The following CHID1 variants were observed in gnomAD, a reference collection of about 807,000 sequenced individuals.
CHID1 encodes the protein chitinase domain-containing protein 1.
CHID1 carries 44 observed loss-of-function variants against 55.4 expected under a neutral mutation model. The observed-to-expected ratio is 0.79, with a 90% CI of 0.62 to 1.02. CHID1 has a LOEUF of 1.02. CHID1 is among the 50% of genes least tolerant of loss of function. The probability of loss-of-function intolerance (pLI) is 0.00; values close to 1 mark genes in which losing one functional copy is unlikely to be tolerated. For missense variants in CHID1, 491 were observed against 515.3 expected, an observed-to-expected ratio of 0.95 and a Z score of 0.46; for synonymous variants, 216 against 212.9, an observed-to-expected ratio of 1.01 and a Z score of -0.13.
At chr11:910,550 C>T (rs1589918988) in intron 1 of CHID1, 3 of 1,060,184 alleles carry the variant, frequency 2.8e-6, no homozygotes, top group Non-Finnish European at 3.6e-6. Flanking sequence ...CCCCCGCTCT[C>T]GCTCACCCTC....
At chr11:873,726 A>G (rs1423857608) in intron 10 of CHID1, among the ~76,000 whole-genome samples, 1 of 152,248 alleles carries the variant, frequency 6.6e-6, no homozygotes, top group Non-Finnish European at 1.5e-5. Context: ...AAGAGGGCAC[A>G]GCTGCTAAAA....
intron 8 of CHID1, among the ~76,000 whole-genome samples, chr11:892,864 C>T (rs1346615837): frequency 6.6e-6 from 1 of 152,226 alleles, no homozygotes; most frequent in Admixed American, 6.5e-5. Context: ...AGGGCATGGC[C>T]GGCCTGTGCT....
chr11:880,692 G>A (rs1338485715), intron 10 of CHID1, among the ~76,000 whole-genome samples: 1 of 152,124 alleles, frequency 6.6e-6, no homozygotes, highest in African/African-American at 2.4e-5. Context: ...CAGGGGTGAT[G>A]GCCTGGCCTC....
At chr11:909,033 G>A (rs577517912) in intron 1 of CHID1, among the ~76,000 whole-genome samples, 1 of 152,338 alleles carries the variant, frequency 6.6e-6, no homozygotes, top group South Asian at 2.1e-4. Context: ...CTTGGATACA[G>A]GCTGCTCACA....
intron 11 of CHID1, 101 bp downstream of exon 11, chr11:870,318 G>A (rs1849081349): frequency 7.5e-7 from 1 of 1,333,302 alleles, no homozygotes; most frequent in Non-Finnish European, 1.1e-6. Context: ...GTGAGCTCGT[G>A]ACCCTGAGAC....
intron 4 of CHID1, among the ~76,000 whole-genome samples, chr11:901,642 T>C (rs1163115290): frequency 1.3e-5 from 2 of 152,150 alleles, no homozygotes; most frequent in Non-Finnish European, 2.9e-5. Flanking sequence ...GCCCAGAGGC[T>C]GCCTGAGTCA....
At chr11:910,290 G>A (rs984664044) in intron 1 of CHID1, among the ~76,000 whole-genome samples, 1 of 152,124 alleles carries the variant, frequency 6.6e-6, no homozygotes, top group Admixed American at 6.5e-5. Flanking sequence ...CCCCTCACTG[G>A]GAGGGCAGCC....
Position 910,775 on chromosome 11 carries a change from C to G in CHID1, c.-44G>C. 1 of 1,142,772 alleles carries G rather than the reference C, an allele frequency of 8.8e-7. No homozygotes were observed. Among genetic ancestry groups the G allele is most frequent in the Non-Finnish European group, 1.1e-6 (1 of 920,472 alleles). 70.8% of individuals were successfully genotyped at this position (1,142,772 alleles called of 1,614,324 possible). A position where few individuals can be genotyped will look rare whatever the true frequency, so the allele number is the denominator to read the frequency against. Reference sequence around the variant, plus strand: ...AGGGGCCGGCCGCCGCGGGGCTCACCTGCATGTCAGGGAGGCCGGACGGCC... The same window carrying G: ...AGGGGCCGGCCGCCGCGGGGCTCACGTGCATGTCAGGGAGGCCGGACGGCC... On this transcript the variant is annotated splice_region_variant and 5_prime_UTR_variant, in exon 1 of 13. Coordinates refer to ENST00000323578, the MANE Select transcript of CHID1 (RefSeq NM_023947.4).
intron 3 of CHID1, 88 bp downstream of exon 3, chr11:902,874 C>T (rs1358086882): frequency 7.7e-6 from 10 of 1,292,882 alleles, no homozygotes; most frequent in Non-Finnish European, 1.1e-5. Flanking sequence ...ACCCCCATCA[C>T]TGACTGGCCA....
chr11:890,930 C>A (rs1255713529), intron 8 of CHID1, among the ~76,000 whole-genome samples: 1 of 152,152 alleles, frequency 6.6e-6, no homozygotes, highest in Admixed American at 6.5e-5. Context: ...TCTCCAGGGG[C>A]CATTGTTCCA....
chr11:880,646 T>A (rs1849848820), intron 10 of CHID1, among the ~76,000 whole-genome samples: 1 of 152,142 alleles, frequency 6.6e-6, no homozygotes, highest in African/African-American at 2.4e-5. Context: ...TCCAGCAGGT[T>A]ACCTCTGCCC....
In CHID1 at chr11:870,849, G is replaced by C. The variant is rs1849131273; in HGVS notation, c.960-350C>G. On this transcript the variant is annotated intron_variant, in intron 10 of 12. Transcript: ENST00000323578. ...TGGACAGGGCTCCTCACTCTGTCCA[G>C]ACCCCAGGTGAGAGGCTAACCAGAC... 2.0e-5 allele frequency: 5 copies of C among 244,250 alleles called. No individual in the cohort carries two copies. The Admixed American group carries it at 2.4e-4, about 12-fold the overall frequency. 15.1% of individuals were successfully genotyped at this position (244,250 alleles called of 1,614,324 possible).
rs547739017 is a variant in CHID1 at position 875,860 on chromosome 11, G to A, written c.960-5361C>T. On this transcript the variant is annotated intron_variant, in intron 10 of 12. Transcript: ENST00000323578. The surrounding 1 kb of genome is among the most constrained non-coding windows in gnomAD (Gnocchi z 4.7). ...GACGTCCCCTGGCGGGTGACAGACA[G>A]GATGAAGGAACGATGGGCTCCACTC... Among the ~76,000 whole-genome samples, 25 of 152,260 alleles carry A rather than the reference G, an allele frequency of 1.6e-4. No individual in the cohort carries two copies. Among genetic ancestry groups the A allele is most frequent in the African/African-American group, 5.5e-4 (23 of 41,540 alleles).
intron 8 of CHID1, among the ~76,000 whole-genome samples, chr11:886,834 C>A (rs1207464878): frequency 6.6e-6 from 1 of 152,208 alleles, no homozygotes; most frequent in Non-Finnish European, 1.5e-5. Context: ...GCGTTGGCTG[C>A]GTCGGTTCCA....
At chr11:885,864 A>C (rs1433956950) in intron 8 of CHID1, among the ~76,000 whole-genome samples, 3 of 152,154 alleles carry the variant, frequency 2.0e-5, no homozygotes, top group Non-Finnish European at 4.4e-5. Flanking sequence ...TTCAAAAAGG[A>C]AAAATGGGCC....
upstream of CHID1, chr11:911,007 ACCTTGAGCGCCCCTGGT>A (rs1488310465): frequency 8.8e-4 from 143 of 161,802 alleles, no homozygotes; most frequent in African/African-American, 3.2e-3. Flanking sequence ...CGGCGCGTTC[ACCTTGAGCGCCCCTGGT>A]GCTCGCGCTG....
intron 1 of CHID1, among the ~76,000 whole-genome samples, chr11:909,287 C>T (rs192951375): frequency 5.3e-5 from 8 of 152,348 alleles, no homozygotes; most frequent in South Asian, 2.1e-4. Context: ...TGCATCAAAC[C>T]GTTTCTTCCC....
intron 12 of CHID1, 73 bp from the exon 13 acceptor site, chr11:870,029 A>T: frequency 1.2e-6 from 2 of 1,605,270 alleles, no homozygotes; most frequent in Non-Finnish European, 1.7e-6. Context: ...CTCCAGGCCG[A>T]GGGGCAGCAC....
chr11:869,688 G>T lies in CHID1; in HGVS notation c.*170C>A. 2 of 642,262 alleles carry T rather than the reference G, an allele frequency of 3.1e-6. No individual in the cohort carries two copies. The allele number at this position is 642,262 out of a possible 1,614,324, so 39.8% of individuals were successfully genotyped here. On this transcript the variant is annotated 3_prime_UTR_variant, in exon 13 of 13. Transcript: ENST00000323578. ...GTCCCCCAGCTAGGACTCATCCAGG[G>T]CAGGGACCCCTCATGGGAGGATGGG...
Sources: allele counts gnomAD v4.1 joint callset (sites outside exome capture counted in the v4.1 genomes callset), GRCh38; gene constraint gnomAD v4.1.1; non-coding constraint Gnocchi (gnomAD v3.1); transcripts MANE v1.5; gene names NCBI Gene and HGNC (gene_info 2026-07-23, HGNC 2026-07-21).